LRMDA: variants seen among roughly 807,000 people sequenced by gnomAD.
LRMDA encodes leucine-rich melanocyte differentiation-associated protein.
In LRMDA, 18 loss-of-function variants were observed where a neutral mutation model predicts 29.8. The observed-to-expected ratio is 0.60, with a 90% CI of 0.42 to 0.90. LRMDA has a LOEUF of 0.90. Among genes scored for constraint, LRMDA ranks in the 40% least tolerant of loss-of-function variants. The probability of loss-of-function intolerance (pLI) is 0.00; values close to 1 mark genes in which losing one functional copy is unlikely to be tolerated. For missense variants in LRMDA, 273 were observed against 273.9 expected (o/e 1.00, Z 0.02); for synonymous variants, 125 against 109.4 (o/e 1.14, Z -0.89).
chr10:75,889,072 A>ATG (rs754154201), intron 2 of LRMDA, among the ~76,000 whole-genome samples: 5 of 152,030 alleles, frequency 3.3e-5, no homozygotes, highest in East Asian at 1.9e-4. Flanking sequence ...AGTGAGCTAT[A>ATG]TGTGTGTGTG....
intron 6 of LRMDA, among the ~76,000 whole-genome samples, chr10:76,442,673 G>A (rs1008071279): frequency 2.0e-5 from 3 of 152,152 alleles, no homozygotes; most frequent in Non-Finnish European, 2.9e-5. Flanking sequence ...TGGAGTCACA[G>A]AGTGAGACCC....
At chr10:75,843,736 AC>A (rs1844583922) in intron 2 of LRMDA, among the ~76,000 whole-genome samples, 1 of 152,154 alleles carries the variant, frequency 6.6e-6, no homozygotes, top group South Asian at 2.1e-4. Flanking sequence ...AGAAACTCAG[AC>A]CCCTTAAGGT....
At chr10:76,287,480 A>C (rs1322562) in intron 5 of LRMDA, among the ~76,000 whole-genome samples, 1 of 151,462 alleles carries the variant, frequency 6.6e-6, no homozygotes, top group Non-Finnish European at 1.5e-5. Context: ...ATCTAACTTG[A>C]CTCTAAGCAA....
intron 2 of LRMDA, among the ~76,000 whole-genome samples, chr10:75,486,056 T>A (rs1844909349): frequency 6.6e-6 from 1 of 152,220 alleles, no homozygotes; most frequent in Admixed American, 6.5e-5. Flanking sequence ...GCTTTGTGTC[T>A]TATGGGTTCT....
intron 2 of LRMDA, among the ~76,000 whole-genome samples, chr10:75,757,742 A>T (rs1843049677): frequency 6.6e-6 from 1 of 151,888 alleles, no homozygotes; most frequent in Non-Finnish European, 1.5e-5. Flanking sequence ...TTTAAATCAG[A>T]CCACTTTACT....
chr10:76,035,592 G>A lies in LRMDA; in HGVS notation c.132-416G>A, dbSNP rs534360443. Among the ~76,000 whole-genome samples the A allele has an allele frequency of 3.3e-5, 5 of 152,328 alleles. No homozygotes were observed. The South Asian group carries it at 1.0e-3, about 32-fold the overall frequency. On this transcript the variant is annotated intron_variant, in intron 2 of 6. Transcript: ENST00000611255. ...ATGATATTTCTGGGCAGGAATGATGGATGACAACTTGAATTTGTGTCCAGG... is the reference window on the plus strand; with the variant it reads ...ATGATATTTCTGGGCAGGAATGATGAATGACAACTTGAATTTGTGTCCAGG...
intron 5 of LRMDA, among the ~76,000 whole-genome samples, chr10:76,147,047 GA>G (rs1405601685): frequency 6.6e-6 from 1 of 152,236 alleles, no homozygotes. Context: ...TTTCTGCTGA[GA>G]GATCCGCTGT....
At chr10:75,532,250 A>G (rs1845486114) in intron 2 of LRMDA, among the ~76,000 whole-genome samples, 1 of 152,094 alleles carries the variant, frequency 6.6e-6, no homozygotes, top group Non-Finnish European at 1.5e-5. Flanking sequence ...CCAGATCCCG[A>G]AGATCTTGGG....
chr10:75,459,522 C>G (rs373345612), intron 2 of LRMDA, among the ~76,000 whole-genome samples: 1 of 152,146 alleles, frequency 6.6e-6, no homozygotes, highest in African/African-American at 2.4e-5. Context: ...TGGTTTAATC[C>G]AGTGGTTTTT....
intron 5 of LRMDA, among the ~76,000 whole-genome samples, chr10:76,197,830 G>C (rs901255043): frequency 6.6e-6 from 1 of 151,872 alleles, no homozygotes; most frequent in Non-Finnish European, 1.5e-5. Flanking sequence ...TGAGGCAGAA[G>C]AATCGCTTGA....
At chr10:75,811,299 G>A (rs1843955986) in intron 2 of LRMDA, among the ~76,000 whole-genome samples, 1 of 152,084 alleles carries the variant, frequency 6.6e-6, no homozygotes, top group African/African-American at 2.4e-5. Context: ...CCTTGCTGAG[G>A]TCTGAACTTT....
At chr10:75,866,829 C>CGTCA (rs1845027865) in intron 2 of LRMDA, among the ~76,000 whole-genome samples, 1 of 152,158 alleles carries the variant, frequency 6.6e-6, no homozygotes, top group African/African-American at 2.4e-5. Context: ...TTGAAGCTAA[C>CGTCA]GTCACTAAAT....
At chr10:76,143,477 G>A (rs530787959) in intron 5 of LRMDA, among the ~76,000 whole-genome samples, 1 of 152,024 alleles carries the variant, frequency 6.6e-6, no homozygotes, top group Non-Finnish European at 1.5e-5. Context: ...TTTTTTGGCT[G>A]CATAAATGTC....
rs79184236 is a variant in LRMDA, at chr10:75,670,009, T to C, written c.131+231515T>C. On this transcript the variant is annotated intron_variant, in intron 2 of 6. Coordinates refer to ENST00000611255, the MANE Select transcript of LRMDA (RefSeq NM_001305581.2). The stretch of plus-strand genomic sequence containing the variant: ...ATTACATTCATTATTTTTAAAAATA[T>C]AGCAACTCTTTATTATAGTTTCCAT... 9.7e-3 allele frequency among the ~76,000 whole-genome samples: 1,477 copies of C among 152,272 alleles called. 24 individuals are homozygous for C. Among genetic ancestry groups the C allele is most frequent in the African/African-American group, 0.034 (1,401 of 41,554 alleles).
intron 2 of LRMDA, among the ~76,000 whole-genome samples, chr10:75,467,756 A>G (rs1261274797): frequency 6.6e-6 from 1 of 152,084 alleles, no homozygotes; most frequent in Non-Finnish European, 1.5e-5. Context: ...AGGTCAAGCG[A>G]TTGAGACCAT....
At chr10:76,394,804 A>G (rs1841763679) in intron 6 of LRMDA, among the ~76,000 whole-genome samples, 1 of 152,194 alleles carries the variant, frequency 6.6e-6, no homozygotes, top group South Asian at 2.1e-4. Context: ...AATTGATTGG[A>G]TGAGAATGTG....
At position 76,429,520 on chromosome 10, in the gene LRMDA, C is replaced by T. The variant is rs548522128; in HGVS notation, c.601+105035C>T. The stretch of plus-strand genomic sequence containing the variant: ...ATTATTATTCCTCTTGTCAGGGAGG[C>T]GCGTACAAGCGAGGATGGCCAGAAG... On this transcript the variant is annotated intron_variant, in intron 6 of 6. Coordinates refer to ENST00000611255, the MANE Select transcript of LRMDA (RefSeq NM_001305581.2). Among the ~76,000 whole-genome samples, 107 of 152,070 alleles carry T rather than the reference C, an allele frequency of 7.0e-4. 2 individuals are homozygous for T. Among genetic ancestry groups the T allele is most frequent in the Non-Finnish European group, 9.4e-4 (64 of 67,990 alleles).
intron 2 of LRMDA, among the ~76,000 whole-genome samples, chr10:75,691,197 T>TAC (rs373484741): frequency 8.1e-5 from 11 of 136,338 alleles, no homozygotes; most frequent in South Asian, 4.7e-4. Context: ...TAGATATATA[T>TAC]ACACACACAC....
intron 6 of LRMDA, among the ~76,000 whole-genome samples, chr10:76,483,316 A>G (rs570385218): frequency 6.6e-6 from 1 of 152,112 alleles, no homozygotes; most frequent in Non-Finnish European, 1.5e-5. Context: ...TGATGGTAGT[A>G]TACAGACAAT....
Sources: gnomAD v4.1 joint callset for allele counts (sites outside exome capture counted in the v4.1 genomes callset) on GRCh38, gnomAD v4.1.1 for gene constraint, MANE v1.5 for transcripts, NCBI Gene and HGNC (gene_info 2026-07-23, HGNC 2026-07-21) for gene names.